CHN2: variants seen among roughly 807,000 people sequenced by gnomAD.
The protein encoded by CHN2 is beta-chimaerin.
In CHN2, 35 loss-of-function variants were observed where a neutral mutation model predicts 56.3. The observed-to-expected ratio is 0.62, with a 90% CI of 0.47 to 0.82. The LOEUF (loss-of-function observed/expected upper bound fraction) is 0.82. Ranked by LOEUF, CHN2 falls within the 40% of genes least tolerant of loss-of-function variation. The probability of loss-of-function intolerance (pLI) is 0.00; values close to 1 mark genes in which losing one functional copy is unlikely to be tolerated. For missense variants in CHN2, 491 were observed against 580.5 expected (o/e 0.85, Z 1.58); for synonymous variants, 210 against 212.8 (o/e 0.99, Z 0.12).
At chr7:29,156,122 A>G (rs754439348) in intron 2 of CHN2, among the ~76,000 whole-genome samples, 3 of 152,306 alleles carry the variant, frequency 2.0e-5, no homozygotes, top group Non-Finnish European at 4.4e-5. Flanking sequence ...AGACAGAGAA[A>G]ACTGGAAAAC....
intron 2 of CHN2, among the ~76,000 whole-genome samples, chr7:29,160,369 G>A (rs547515057): frequency 3.3e-5 from 5 of 152,222 alleles, no homozygotes; most frequent in South Asian, 4.2e-4. Flanking sequence ...GGCTGACAAC[G>A]TTACTGGCTT....
chr7:29,312,505 A>G (rs1794675239), intron 1 of CHN2, among the ~76,000 whole-genome samples: 1 of 152,228 alleles, frequency 6.6e-6, no homozygotes, highest in Non-Finnish European at 1.5e-5. Context: ...AGGGAAAAGA[A>G]GCTAACTTTA....
At position 29,403,065 on chromosome 7, in the gene CHN2, T is replaced by C. The variant is rs558003073; in HGVS notation, c.576+2237T>C. 1.6e-4 allele frequency among the ~76,000 whole-genome samples: 25 copies of C among 152,210 alleles called. 1 individual carries two copies. The Middle Eastern group carries it at 0.01, about 62-fold the overall frequency. On this transcript the variant is annotated intron_variant, in intron 6 of 12. Transcript: ENST00000222792. ...TGGTGTGGATTTTCTTGGACACTAATGATGTGATGTTTGGTTGTCCCAAGG... is the reference window on the plus strand; with the variant it reads ...TGGTGTGGATTTTCTTGGACACTAACGATGTGATGTTTGGTTGTCCCAAGG...
chr7:29,278,744 A>AATCCGGCC (rs1791429096), intron 1 of CHN2, among the ~76,000 whole-genome samples: 1 of 152,156 alleles, frequency 6.6e-6, no homozygotes, highest in Non-Finnish European at 1.5e-5. Context: ...CTGAGTTGGA[A>AATCCGGCC]ATCCGGCCAT....
At chr7:29,163,355 ATAT>A (rs1277527268) in intron 2 of CHN2, among the ~76,000 whole-genome samples, 18 of 152,220 alleles carry the variant, frequency 1.2e-4, no homozygotes, top group African/African-American at 4.1e-4. Context: ...TAAGTAAAAT[ATAT>A]TATTAAAATT....
At chr7:29,174,494 G>A (rs1233515826) in intron 2 of CHN2, among the ~76,000 whole-genome samples, 2 of 152,124 alleles carry the variant, frequency 1.3e-5, no homozygotes, top group Non-Finnish European at 2.9e-5. Context: ...TAGCCATGGG[G>A]GCACAAAGCA....
chr7:29,452,141 AC>A (rs35098967), intron 6 of CHN2, among the ~76,000 whole-genome samples: 1 of 152,178 alleles, frequency 6.6e-6, no homozygotes, highest in Admixed American at 6.5e-5. Context: ...TTTTGCATAG[AC>A]CCCTACAAAT....
intron 4 of CHN2, among the ~76,000 whole-genome samples, chr7:29,395,044 T>C (rs1431574893): frequency 6.6e-6 from 1 of 152,178 alleles, no homozygotes; most frequent in East Asian, 1.9e-4. Flanking sequence ...TTTCTTCCAC[T>C]TAAAAAGTAA....
At chr7:29,187,622 G>T (rs1411753881) in intron 2 of CHN2, among the ~76,000 whole-genome samples, 8 of 152,054 alleles carry the variant, frequency 5.3e-5, no homozygotes, top group Non-Finnish European at 1.0e-4. Context: ...CAGCTACTCG[G>T]GAGGCTGAGG....
upstream of CHN2, chr7:29,192,351 A>T (rs1388175386): frequency 1.3e-5 from 2 of 152,194 alleles, no homozygotes; most frequent in African/African-American, 4.8e-5. Context: ...GCCATGCTTT[A>T]CTTTCTCCAG....
At chr7:29,403,104 G>T (rs377499583) in intron 6 of CHN2, among the ~76,000 whole-genome samples, 4 of 152,060 alleles carry the variant, frequency 2.6e-5, no homozygotes, top group East Asian at 1.9e-4. Context: ...ACTGGGCCTG[G>T]TCACTTGCTG....
At chr7:29,211,313 C>T (rs954360377) in intron 1 of CHN2, among the ~76,000 whole-genome samples, 1 of 151,700 alleles carries the variant, frequency 6.6e-6, no homozygotes, top group African/African-American at 2.4e-5. Context: ...CTCCTGACCT[C>T]GTGATCCGCC....
chr7:29,351,181 T>C (rs1029489719), intron 1 of CHN2, among the ~76,000 whole-genome samples: 5 of 152,114 alleles, frequency 3.3e-5, no homozygotes, highest in African/African-American at 1.2e-4. Flanking sequence ...CTTTTATTTT[T>C]TCTGTTTTAC....
At chr7:29,367,847 G>T in intron 2 of CHN2, 85 bp from the exon 3 acceptor site, 1 of 1,112,292 alleles carries the variant, frequency 9.0e-7, no homozygotes, top group Non-Finnish European at 1.3e-6. Context: ...ATGTACTTAG[G>T]TGGAAATATT....
chr7:29,293,929 C>G (rs1792899585), intron 1 of CHN2, among the ~76,000 whole-genome samples: 1 of 140,868 alleles, frequency 7.1e-6, no homozygotes, highest in Non-Finnish European at 1.5e-5. Flanking sequence ...TGCAGCGGCG[C>G]GATCTCGGCT....
intron 1 of CHN2, among the ~76,000 whole-genome samples, chr7:29,195,649 T>TGTGTGTGA (rs1554358914): frequency 5.7e-4 from 74 of 130,716 alleles, no homozygotes; most frequent in South Asian, 3.4e-3. Context: ...TGTGTGTGTG[T>TGTGTGTGA]GAGAGAGAGA....
chr7:29,496,062 C>G (rs372660526), intron 8 of CHN2, 26 bp downstream of exon 8: 12 of 1,573,996 alleles, frequency 7.6e-6, no homozygotes, highest in Non-Finnish European at 1.0e-5. Context: ...TCTTCTTTTC[C>G]AATTATATGA....
intron 2 of CHN2, among the ~76,000 whole-genome samples, chr7:29,174,695 T>A (rs193300642): frequency 6.6e-6 from 1 of 152,180 alleles, no homozygotes; most frequent in Non-Finnish European, 1.5e-5. Flanking sequence ...ACCCCATCTA[T>A]GCTAAAGATA....
chr7:29,353,177 A>C (rs1022158394), intron 1 of CHN2, among the ~76,000 whole-genome samples: 3 of 152,220 alleles, frequency 2.0e-5, no homozygotes, highest in Non-Finnish European at 4.4e-5. Flanking sequence ...TTAGTTGAGC[A>C]CTGTGATACA....
Sources: gnomAD v4.1 joint callset for allele counts (sites outside exome capture counted in the v4.1 genomes callset) on GRCh38, gnomAD v4.1.1 for gene constraint, MANE v1.5 for transcripts, NCBI Gene and HGNC (gene_info 2026-07-23, HGNC 2026-07-21) for gene names.